DNAJB6: variants seen among roughly 807,000 people sequenced by gnomAD.
The protein encoded by DNAJB6 is dnaJ homolog subfamily B member 6.
In DNAJB6, 16 loss-of-function variants were observed where a neutral mutation model predicts 42.7. The observed-to-expected ratio is 0.37, with a 90% CI of 0.25 to 0.57. The LOEUF (loss-of-function observed/expected upper bound fraction) is 0.57. DNAJB6 is among the 20% of genes least tolerant of loss of function. The pLI, the probability that DNAJB6 is intolerant of heterozygous loss-of-function variation, is 0.74. For missense variants in DNAJB6, 347 were observed against 416.8 expected (o/e 0.83, Z 1.46); for synonymous variants, 170 against 163.5 (o/e 1.04, Z -0.30).
intron 5 of DNAJB6, among the ~76,000 whole-genome samples, chr7:157,374,471 T>C (rs1031012489): frequency 6.6e-6 from 1 of 151,964 alleles, no homozygotes; most frequent in Non-Finnish European, 1.5e-5. Flanking sequence ...GTTGGTCAGG[T>C]TGGTCTCGAA....
chr7:157,400,441 T>G (rs1801810063), intron 8 of DNAJB6, among the ~76,000 whole-genome samples: 1 of 145,382 alleles, frequency 6.9e-6, no homozygotes, highest in South Asian at 2.2e-4. Flanking sequence ...CACCGAGCTC[T>G]TCTCCTTGGT....
intron 2 of DNAJB6, among the ~76,000 whole-genome samples, chr7:157,361,873 A>G (rs140446320): frequency 1.2e-4 from 19 of 152,286 alleles, no homozygotes; most frequent in Admixed American, 7.8e-4. Context: ...GGTTCAAGCA[A>G]TTCTTCTGTC....
intron 8 of DNAJB6, among the ~76,000 whole-genome samples, chr7:157,404,627 G>A (rs548220753): frequency 1.3e-5 from 2 of 150,156 alleles, no homozygotes; most frequent in East Asian, 2.0e-4. Context: ...TCTTATGCTT[G>A]AGCCTCCCGA....
intron 1 of DNAJB6, chr7:157,337,617 G>A (rs1215438416): frequency 6.6e-6 from 1 of 152,184 alleles, no homozygotes; most frequent in African/African-American, 2.4e-5. Flanking sequence ...AGTTCGGAGG[G>A]AGAAGAAGCA....
At chr7:157,395,013 C>G (rs1278587953) in intron 8 of DNAJB6, among the ~76,000 whole-genome samples, 1 of 152,094 alleles carries the variant, frequency 6.6e-6, no homozygotes, top group African/African-American at 2.4e-5. Flanking sequence ...ATTGCTTGAG[C>G]TGGTGGAGGT....
intron 1 of DNAJB6, among the ~76,000 whole-genome samples, chr7:157,353,581 A>G (rs2116919916): frequency 9.9e-6 from 1 of 100,572 alleles, no homozygotes; most frequent in East Asian, 3.0e-4. Flanking sequence ...GTTTTTCTTG[A>G]CCGGGGTGTG....
intron 5 of DNAJB6, among the ~76,000 whole-genome samples, chr7:157,372,487 A>C (rs1456255739): frequency 6.6e-6 from 1 of 152,204 alleles, no homozygotes; most frequent in Non-Finnish European, 1.5e-5. Context: ...ACCACCATAA[A>C]GTGTCAAGGA....
At chr7:157,390,283 G>A (rs1343556953) in intron 8 of DNAJB6, among the ~76,000 whole-genome samples, 1 of 152,232 alleles carries the variant, frequency 6.6e-6, no homozygotes, top group African/African-American at 2.4e-5. Context: ...AAGGACCTGC[G>A]TCTTGGCTTT....
At chr7:157,353,035 T>C (rs1428948388) in intron 1 of DNAJB6, among the ~76,000 whole-genome samples, 1 of 152,204 alleles carries the variant, frequency 6.6e-6, no homozygotes, top group Non-Finnish European at 1.5e-5. Flanking sequence ...TCAATTCACT[T>C]TGAAGCCCAC....
chr7:157,338,918 C>T lies in DNAJB6; in HGVS notation c.-27+1774C>T, dbSNP rs1280254273. On this transcript the variant is annotated intron_variant, in intron 1 of 9. Coordinates refer to ENST00000262177, the MANE Select transcript of DNAJB6 (RefSeq NM_058246.4). Reference sequence around the variant, plus strand: ...GTGGAAGGTGAGAAAGTTGGGAATTCCAGAGGGCAGAGCTCTTAAAGAATT... The same window carrying T: ...GTGGAAGGTGAGAAAGTTGGGAATTTCAGAGGGCAGAGCTCTTAAAGAATT... Among the ~76,000 whole-genome samples the T allele has an allele frequency of 2.0e-5, 3 of 152,094 alleles. No individual in the cohort carries two copies. In the East Asian group the frequency reaches 5.8e-4, roughly 29 times the overall value.
intron 3 of DNAJB6, 131 bp downstream of exon 3, chr7:157,363,401 C>T (rs1180766632): frequency 1.7e-6 from 1 of 577,138 alleles, no homozygotes; most frequent in East Asian, 3.0e-5. Context: ...GGATTTTGGG[C>T]CCTTCTAAGA....
In DNAJB6 at chr7:157,363,182, G is replaced by A. The variant is rs1231276332; in HGVS notation, c.87G>A (p.Lys29=). Residue 29 remains lysine (K), a synonymous_variant, in exon 3 of 10, where the codon AAG becomes AAA. Transcript: ENST00000262177. ...IKKAYRKLAL[K]WHPDKNPENK... Reference sequence around the variant, plus strand: ...CAAGATATCGGAAACTGGCACTGAAGTGGCATCCAGATAAAAATCCTGAGA... The same window carrying A: ...CAAGATATCGGAAACTGGCACTGAAATGGCATCCAGATAAAAATCCTGAGA... The A allele has an allele frequency of 6.2e-7, 1 of 1,609,204 alleles. No individual in the cohort carries two copies. The highest frequency in any genetic ancestry group is 1.7e-5 in the Admixed American group (1 of 59,466).
intron 8 of DNAJB6, among the ~76,000 whole-genome samples, chr7:157,390,651 T>G (rs1485161055): frequency 1.3e-5 from 2 of 152,130 alleles, no homozygotes; most frequent in Admixed American, 1.3e-4. Context: ...TGTGGTTTGC[T>G]TCCCGTGTGG....
chr7:157,365,967 T>C (rs1584904284), intron 3 of DNAJB6, among the ~76,000 whole-genome samples: 1 of 150,600 alleles, frequency 6.6e-6, no homozygotes, highest in Non-Finnish European at 1.5e-5. Flanking sequence ...CGTGGCTAAG[T>C]CCCCCCCGCG....
At chr7:157,391,976 G>A (rs1003374325) in intron 8 of DNAJB6, among the ~76,000 whole-genome samples, 1 of 151,494 alleles carries the variant, frequency 6.6e-6, no homozygotes, top group African/African-American at 2.4e-5. Context: ...GGTGGCGTGC[G>A]CTTGTAGTCC....
At chr7:157,392,795 A>G (rs934166519) in intron 8 of DNAJB6, among the ~76,000 whole-genome samples, 1 of 152,130 alleles carries the variant, frequency 6.6e-6, no homozygotes, top group African/African-American at 2.4e-5. Flanking sequence ...TGTTTTACGG[A>G]CAGCTGTAAA....
intron 5 of DNAJB6, chr7:157,378,738 G>C (rs1178069815): frequency 6.6e-6 from 1 of 152,134 alleles, no homozygotes; most frequent in Non-Finnish European, 1.5e-5. Flanking sequence ...AAAAATATTG[G>C]TTTTATTTTG....
intron 3 of DNAJB6, among the ~76,000 whole-genome samples, chr7:157,364,844 T>C (rs1487071550): frequency 6.6e-6 from 1 of 152,250 alleles, no homozygotes; most frequent in Admixed American, 6.5e-5. Context: ...GCTGGAGTTG[T>C]CTTCAAAACA....
chr7:157,381,259 G>C (rs990249009), intron 5 of DNAJB6: 3 of 152,130 alleles, frequency 2.0e-5, no homozygotes, highest in Non-Finnish European at 4.4e-5. Context: ...TGGCCTGCAA[G>C]TAGGCCGTAC....
Sources: gnomAD v4.1 joint callset for allele counts (sites outside exome capture counted in the v4.1 genomes callset) on GRCh38, gnomAD v4.1.1 for gene constraint, MANE v1.5 for transcripts, NCBI Gene and HGNC (gene_info 2026-07-23, HGNC 2026-07-21) for gene names.